The following PKHD1 variants were observed in gnomAD, a reference collection of about 807,000 sequenced individuals.
The protein encoded by PKHD1 is PKHD1 ciliary IPT domain containing fibrocystin/polyductin.
PKHD1 carries 291 observed loss-of-function variants against 412.0 expected under a neutral mutation model. The observed-to-expected ratio is 0.71, with a 90% confidence interval of 0.64 to 0.78. The LOEUF is 0.78. Among genes scored for constraint, PKHD1 ranks in the 30% least tolerant of loss-of-function variants. PKHD1 has a pLI of 0.00. For missense variants in PKHD1, 4,825 were observed against 4,950.7 expected, an observed-to-expected ratio of 0.97 and a Z score of 0.76; for synonymous variants, 1,777 against 1,821.5, an observed-to-expected ratio of 0.98 and a Z score of 0.62.
intron 55 of PKHD1, among the ~76,000 whole-genome samples, chr6:51,759,521 G>A (rs557526098): frequency 2.0e-5 from 3 of 152,042 alleles, no homozygotes; most frequent in Admixed American, 2.0e-4. Context: ...GCACCATACA[G>A]AATGAAGAAA....
At chr6:51,691,852 G>A (rs1245790478) in intron 60 of PKHD1, among the ~76,000 whole-genome samples, 5 of 152,110 alleles carry the variant, frequency 3.3e-5, no homozygotes, top group African/African-American at 7.2e-5. Context: ...TCATTGATGT[G>A]CCTTTCAGCA....
intron 43 of PKHD1, among the ~76,000 whole-genome samples, chr6:51,896,362 C>T (rs932278917): frequency 1.3e-5 from 2 of 152,080 alleles, no homozygotes; most frequent in African/African-American, 4.8e-5. Flanking sequence ...GACCCCTGAC[C>T]CCCGAGCAGC....
At chr6:51,959,806 C>T in intron 36 of PKHD1, 64 bp downstream of exon 36, 1 of 1,423,676 alleles carries the variant, frequency 7.0e-7, no homozygotes, top group East Asian at 2.3e-5. Context: ...TTTCCCTCCT[C>T]CATCCCCCCT....
Position 51,766,615 on chromosome 6 carries a change from A to ATATTTTTATTTATTTTTTTTT in PKHD1, c.8642+6086_8642+6087insAAAAAAAAATAAATAAAAATA, listed in dbSNP as rs1789069382. On this transcript the variant is annotated intron_variant, in intron 55 of 66. Transcript: ENST00000371117. The stretch of plus-strand genomic sequence containing the variant: ...TCACAAATATGTTTCTGGTGTATTC[A>ATATTTTTATTTATTTTTTTTT]TATTTTTATTTTCATTCTTGACATA... Among the ~76,000 whole-genome samples the ATATTTTTATTTATTTTTTTTT allele has an allele frequency of 2.0e-5, 3 of 150,932 alleles. No individual in the cohort carries two copies. In the South Asian group the frequency reaches 6.2e-4, roughly 31 times the overall value.
intron 37 of PKHD1, among the ~76,000 whole-genome samples, chr6:51,929,350 A>G (rs1245558985): frequency 1.3e-5 from 2 of 152,234 alleles, no homozygotes; most frequent in East Asian, 1.9e-4. Flanking sequence ...TTTTAATCAC[A>G]GTTTTAACAG....
chr6:51,997,757 A>G (rs2128090121), intron 35 of PKHD1, among the ~76,000 whole-genome samples: 1 of 152,338 alleles, frequency 6.6e-6, no homozygotes, highest in East Asian at 1.9e-4. Flanking sequence ...TGAGGGTGGA[A>G]ACACATCACC....
At chr6:51,900,402 G>C (rs367786860) in intron 43 of PKHD1, among the ~76,000 whole-genome samples, 17 of 152,064 alleles carry the variant, frequency 1.1e-4, no homozygotes, top group Non-Finnish European at 1.2e-4. Context: ...ACAAACCTGA[G>C]AAAAACAAGC....
chr6:51,696,335 G>T (rs955005224), intron 60 of PKHD1, among the ~76,000 whole-genome samples: 1 of 152,108 alleles, frequency 6.6e-6, no homozygotes, highest in Non-Finnish European at 1.5e-5. Flanking sequence ...GTGATCCCTG[G>T]AAAGAAGAAA....
intron 60 of PKHD1, among the ~76,000 whole-genome samples, chr6:51,718,701 G>A (rs1230343830): frequency 1.3e-5 from 2 of 152,104 alleles, no homozygotes; most frequent in African/African-American, 2.4e-5. Context: ...AGTGATTTAT[G>A]ATATTTCCAG....
At chr6:51,997,569 A>G (rs562872581) in intron 35 of PKHD1, among the ~76,000 whole-genome samples, 25 of 152,252 alleles carry the variant, frequency 1.6e-4, no homozygotes, top group African/African-American at 2.9e-4. Flanking sequence ...TTGATGCACA[A>G]TATTCCAGTG....
intron 60 of PKHD1, among the ~76,000 whole-genome samples, chr6:51,698,388 T>TATG (rs1347546540): frequency 1.3e-5 from 2 of 152,212 alleles, no homozygotes; most frequent in African/African-American, 4.8e-5. Flanking sequence ...AGAATTTAGT[T>TATG]ATGATTATCA....
Position 51,776,075 on chromosome 6 carries a change from TA to T in PKHD1, c.8441-155del, listed in dbSNP as rs150000340. 0.016 allele frequency among the ~76,000 whole-genome samples: 2,373 copies of T among 151,988 alleles called. 57 individuals carry two copies. The highest frequency in any genetic ancestry group is 0.053 in the African/African-American group (2,203 of 41,522). On this transcript the variant is annotated intron_variant, in intron 53 of 66. Transcript: ENST00000371117. ...TCATGCAGATGAAATAAGAGTAGGA[TA>T]AAAAAGATTCAGTAAACTTCTTTGA...
At chr6:51,799,702 C>T (rs992049469) in intron 52 of PKHD1, among the ~76,000 whole-genome samples, 4 of 152,176 alleles carry the variant, frequency 2.6e-5, no homozygotes, top group Non-Finnish European at 5.9e-5. Context: ...CAGGTCTAAA[C>T]TGACAAATCC....
intron 35 of PKHD1, among the ~76,000 whole-genome samples, chr6:51,987,886 C>T (rs1375402315): frequency 6.6e-6 from 1 of 152,184 alleles, no homozygotes; most frequent in East Asian, 1.9e-4. Flanking sequence ...AATCCTAACT[C>T]TACCACATAG....
Position 51,887,169 on chromosome 6 carries a change from A to G in PKHD1, c.7073T>C (p.Leu2358Pro), listed in dbSNP as rs1343586804. The change falls in exon 44 of 67, where the codon CTT becomes CCT. Residue 2358 changes from leucine (L) to proline (P), a missense_variant. By Grantham distance (98) the Leu-to-Pro change is moderately conservative. Coordinates refer to ENST00000371117, the MANE Select transcript of PKHD1 (RefSeq NM_138694.4). ...MTNQTSQAPL[L>P]SFTQNIAHSC... ...ATGTGCAATGTTCTGAGTGAAGGAA[A>G]GAAGCGGAGCTTGTGATGTTTGGTT... 6.2e-7 allele frequency: 1 copy of G among 1,613,128 alleles called. No homozygotes were observed. The highest frequency in any genetic ancestry group is 1.1e-5 in the South Asian group (1 of 91,056).
chr6:51,940,608 C>A (rs544624900), intron 36 of PKHD1, among the ~76,000 whole-genome samples: 1 of 151,742 alleles, frequency 6.6e-6, no homozygotes. Flanking sequence ...TGGCCCAAGG[C>A]TCTCTGACTG....
intron 39 of PKHD1, among the ~76,000 whole-genome samples, chr6:51,910,809 TGAGTA>T (rs1450774648): frequency 1.3e-5 from 2 of 152,126 alleles, no homozygotes; most frequent in African/African-American, 4.8e-5. Flanking sequence ...GACACATTTG[TGAGTA>T]GATGATTTGT....
chr6:51,664,440 C>T (rs1360032349), intron 60 of PKHD1, among the ~76,000 whole-genome samples: 2 of 152,094 alleles, frequency 1.3e-5, no homozygotes, highest in Non-Finnish European at 2.9e-5. Flanking sequence ...AGAGTTTAGC[C>T]CAGGACCGGT....
At chr6:51,799,373 A>C (rs1762567673) in intron 52 of PKHD1, among the ~76,000 whole-genome samples, 1 of 152,142 alleles carries the variant, frequency 6.6e-6, no homozygotes, top group Non-Finnish European at 1.5e-5. Flanking sequence ...TTGAGGTGGT[A>C]GGAATTTAAA....
Sources: gnomAD v4.1 joint callset for allele counts (sites outside exome capture counted in the v4.1 genomes callset) on GRCh38, gnomAD v4.1.1 for gene constraint, MANE v1.5 for transcripts, NCBI Gene and HGNC (gene_info 2026-07-23, HGNC 2026-07-21) for gene names.